The following ST7 variants were observed in gnomAD, a reference collection of about 807,000 sequenced individuals.
ST7 encodes the protein suppressor of tumorigenicity 7 protein.
A neutral mutation model predicts 78.7 loss-of-function variants in ST7; 28 were observed. The observed-to-expected ratio is 0.36, with a 90% CI of 0.26 to 0.49. The LOEUF (loss-of-function observed/expected upper bound fraction) is 0.49, where lower values mean the gene tolerates loss of function less well. Among genes scored for constraint, ST7 ranks in the 20% least tolerant of loss-of-function variants. ST7 has a pLI of 0.99. For synonymous variants in ST7, 247 were observed against 249.6 expected (o/e 0.99, Z 0.10); for missense variants, 418 against 696.0 (o/e 0.60, Z 4.49).
chr7:117,207,770 A>G (rs1791913346), intron 12 of ST7, among the ~76,000 whole-genome samples: 1 of 152,172 alleles, frequency 6.6e-6, no homozygotes, highest in South Asian at 2.1e-4. Flanking sequence ...GGCTATGAAT[A>G]ATTAGAAAGT....
chr7:117,061,117 A>G (rs1437925925), intron 1 of ST7, among the ~76,000 whole-genome samples: 1 of 152,214 alleles, frequency 6.6e-6, no homozygotes, highest in Non-Finnish European at 1.5e-5. Flanking sequence ...CATTTTAAAG[A>G]CAATTAAAAG....
intron 1 of ST7, among the ~76,000 whole-genome samples, chr7:117,065,694 A>G (rs904902158): frequency 1.3e-5 from 2 of 152,214 alleles, no homozygotes; most frequent in Non-Finnish European, 2.9e-5. Flanking sequence ...TATTTCCTTC[A>G]GAGCACAGCA....
At chr7:116,992,868 A>G (rs1266427302) in intron 1 of ST7, among the ~76,000 whole-genome samples, 2 of 152,130 alleles carry the variant, frequency 1.3e-5, no homozygotes, top group Non-Finnish European at 2.9e-5. Context: ...GGATACCCTA[A>G]ATTATCTCCC....
At chr7:116,999,230 A>G (rs1427680971) in intron 1 of ST7, among the ~76,000 whole-genome samples, 2 of 152,176 alleles carry the variant, frequency 1.3e-5, no homozygotes, top group African/African-American at 4.8e-5. Flanking sequence ...GAAATTGGAG[A>G]ACTCTGGTAT....
chr7:117,153,987 C>T (rs1042449026), intron 9 of ST7, among the ~76,000 whole-genome samples: 1 of 152,050 alleles, frequency 6.6e-6, no homozygotes, highest in Non-Finnish European at 1.5e-5. Flanking sequence ...GAGAGGGGAT[C>T]ACTGATAGAA....
chr7:117,055,271 C>T (rs989377529), intron 1 of ST7, among the ~76,000 whole-genome samples: 5 of 152,042 alleles, frequency 3.3e-5, no homozygotes, highest in African/African-American at 7.2e-5. Context: ...GGCATGATCT[C>T]GGCTTACTGC....
chr7:117,080,119 T>C (rs1269631696), intron 1 of ST7, among the ~76,000 whole-genome samples: 1 of 151,012 alleles, frequency 6.6e-6, no homozygotes, highest in African/African-American at 2.4e-5. Flanking sequence ...TAGCTGGGAC[T>C]ACAGGCGCCC....
At chr7:117,034,897 T>C (rs1332276175) in intron 1 of ST7, among the ~76,000 whole-genome samples, 1 of 152,306 alleles carries the variant, frequency 6.6e-6, no homozygotes, top group East Asian at 1.9e-4. Flanking sequence ...GAGTTTACTT[T>C]CTGGTTTGTT....
At chr7:116,984,608 G>A (rs1009265150) in intron 1 of ST7, among the ~76,000 whole-genome samples, 1 of 152,170 alleles carries the variant, frequency 6.6e-6, no homozygotes, top group Non-Finnish European at 1.5e-5. Flanking sequence ...TATGACTTAG[G>A]ATACATTATT....
intron 9 of ST7, among the ~76,000 whole-genome samples, chr7:117,143,266 G>T (rs1292270460): frequency 6.6e-6 from 1 of 152,128 alleles, no homozygotes; most frequent in African/African-American, 2.4e-5. Context: ...TGACCTCTGA[G>T]CCATTCTCCC....
intron 1 of ST7, among the ~76,000 whole-genome samples, chr7:117,025,281 A>G (rs527852838): frequency 2.0e-5 from 3 of 152,316 alleles, no homozygotes; most frequent in South Asian, 2.1e-4. Flanking sequence ...CATCTGGACC[A>G]TTTCTCAAAA....
At chr7:117,037,064 CT>C (rs1402858958) in intron 1 of ST7, among the ~76,000 whole-genome samples, 3 of 152,154 alleles carry the variant, frequency 2.0e-5, no homozygotes, top group Non-Finnish European at 4.4e-5. Flanking sequence ...GAGAGAGCAG[CT>C]CTGCCCTGAA....
chr7:117,096,372 C>T (rs982897512), intron 1 of ST7, among the ~76,000 whole-genome samples: 4 of 152,158 alleles, frequency 2.6e-5, no homozygotes, highest in Non-Finnish European at 5.9e-5. Flanking sequence ...AAATGACAAG[C>T]TCACAGGGGA....
chr7:116,981,194 G>T (rs917006881), intron 1 of ST7, among the ~76,000 whole-genome samples: 1 of 151,542 alleles, frequency 6.6e-6, no homozygotes, highest in African/African-American at 2.4e-5. Flanking sequence ...CTGCAGCCTC[G>T]ACCTCCCAGG....
At chr7:117,217,064 C>T (rs1274836479) in intron 13 of ST7, among the ~76,000 whole-genome samples, 1 of 152,130 alleles carries the variant, frequency 6.6e-6, no homozygotes, top group Non-Finnish European at 1.5e-5. Context: ...CACCAACCAA[C>T]CATTAGATTT....
chr7:116,957,369 T>G (rs13235739), intron 1 of ST7, among the ~76,000 whole-genome samples: 24,399 of 152,040 alleles, frequency 0.16, 2,329 homozygotes, highest in South Asian at 0.23. Flanking sequence ...TAGTTTTTTT[T>G]TTTGTTTGTT....
intron 10 of ST7, among the ~76,000 whole-genome samples, chr7:117,188,468 G>A (rs1809462347): frequency 1.3e-5 from 2 of 152,164 alleles, no homozygotes; most frequent in Admixed American, 1.3e-4. Flanking sequence ...TGGAAAGAAT[G>A]CAATCATAAT....
chr7:117,127,269 A>C (rs558561688), intron 3 of ST7, among the ~76,000 whole-genome samples: 1 of 152,030 alleles, frequency 6.6e-6, no homozygotes, highest in East Asian at 1.9e-4. Context: ...TTAAATCTTC[A>C]TATTCTAATA....
intron 1 of ST7, among the ~76,000 whole-genome samples, chr7:117,031,873 T>C (rs1563027261): frequency 7.1e-6 from 1 of 141,428 alleles, no homozygotes; most frequent in Non-Finnish European, 1.5e-5. Context: ...TATCTATCTA[T>C]ATATATATAT....
Sources: allele counts gnomAD v4.1 joint callset (sites outside exome capture counted in the v4.1 genomes callset), GRCh38; gene constraint gnomAD v4.1.1; transcripts MANE v1.5; gene names NCBI Gene and HGNC (gene_info 2026-07-23, HGNC 2026-07-21).